Variants in C8orf34 observed in about 807,000 individuals in gnomAD.
C8orf34 encodes the protein uncharacterized protein C8orf34.
A neutral mutation model predicts 68.3 loss-of-function variants in C8orf34; 65 were observed. The ratio of observed to expected loss-of-function variants is 0.95; its 90% confidence interval spans 0.78 to 1.17. The LOEUF is 1.17. Ranked by LOEUF, C8orf34 falls within the 50% of genes most tolerant of loss-of-function variation. C8orf34 has a pLI of 0.00. For synonymous variants in C8orf34, 244 were observed against 241.2 expected, an observed-to-expected ratio of 1.01 and a Z score of -0.11; for missense variants, 664 against 655.4, an observed-to-expected ratio of 1.01 and a Z score of -0.14.
At chr8:68,331,591 C>G in intron 1 of C8orf34, 1 of 525,304 alleles carries the variant, frequency 1.9e-6, no homozygotes, top group Admixed American at 3.1e-5. Flanking sequence ...CTCAGCCTGG[C>G]AGGGGAAGTT....
intron 13 of C8orf34, among the ~76,000 whole-genome samples, chr8:68,816,597 A>G (rs1187896377): frequency 6.6e-6 from 1 of 152,138 alleles, no homozygotes; most frequent in African/African-American, 2.4e-5. Flanking sequence ...ATGGTCACCC[A>G]GACTCTACAT....
chr8:68,333,743 C>A (rs1805730061), intron 1 of C8orf34, among the ~76,000 whole-genome samples: 1 of 152,192 alleles, frequency 6.6e-6, no homozygotes, highest in Admixed American at 6.5e-5. Flanking sequence ...CAAATGTTTG[C>A]TACAATTTTA....
Position 68,532,462 on chromosome 8 carries a change from T to C in C8orf34, c.939-521T>C, listed in dbSNP as rs10110199. 9.6e-3 allele frequency among the ~76,000 whole-genome samples: 1,457 copies of C among 152,120 alleles called. 26 individuals carry two copies. The highest frequency in any genetic ancestry group is 0.032 in the African/African-American group (1,337 of 41,488). On this transcript the variant is annotated intron_variant, in intron 6 of 13. Coordinates refer to ENST00000518698, the MANE Select transcript of C8orf34 (RefSeq NM_052958.4). ...AATAAAACTATACAAAGAGATAGAC[T>C]CAAAAGCACTATAAATAAAAGCAAG...
intron 5 of C8orf34, among the ~76,000 whole-genome samples, chr8:68,497,331 C>T (rs986026746): frequency 3.9e-5 from 6 of 152,164 alleles, no homozygotes; most frequent in Non-Finnish European, 8.8e-5. Flanking sequence ...GCTTACCTGG[C>T]AGATTAACAA....
At chr8:68,428,999 C>T (rs762867895) in intron 1 of C8orf34, among the ~76,000 whole-genome samples, 2 of 151,900 alleles carry the variant, frequency 1.3e-5, no homozygotes, top group East Asian at 3.9e-4. Flanking sequence ...TAGAAAATAA[C>T]GTAGGATAAT....
rs546320842 is a variant in C8orf34, at chr8:68,399,893, T to C, written c.328-39606T>C. Among the ~76,000 whole-genome samples, 97 of 152,270 alleles carry C rather than the reference T, an allele frequency of 6.4e-4. 1 individual carries two copies. The highest frequency in any genetic ancestry group is 2.3e-3 in the African/African-American group (96 of 41,572). On this transcript the variant is annotated intron_variant, in intron 1 of 13. Transcript: ENST00000518698. ...GATGATATCTTATTGTAGTTTTAAT[T>C]TGCATTTCCCTGATGATTGATGATG...
At chr8:68,607,051 T>C (rs1008690836) in intron 7 of C8orf34, among the ~76,000 whole-genome samples, 2 of 152,112 alleles carry the variant, frequency 1.3e-5, no homozygotes, top group African/African-American at 4.8e-5. Flanking sequence ...GTTTTAAAAA[T>C]GAAAACTCCC....
intron 12 of C8orf34, among the ~76,000 whole-genome samples, chr8:68,813,909 G>A (rs1824731046): frequency 6.6e-6 from 1 of 152,106 alleles, no homozygotes; most frequent in African/African-American, 2.4e-5. Flanking sequence ...CTCAAATCTA[G>A]TTATTCTCAT....
chr8:68,353,599 T>C (rs1401405059), intron 1 of C8orf34, among the ~76,000 whole-genome samples: 8 of 146,172 alleles, frequency 5.5e-5, no homozygotes, highest in African/African-American at 1.2e-4. Flanking sequence ...TGTATATATA[T>C]ACACACACAT....
chr8:68,715,863 C>T (rs999019614), intron 9 of C8orf34, among the ~76,000 whole-genome samples: 2 of 152,074 alleles, frequency 1.3e-5, no homozygotes, highest in African/African-American at 4.8e-5. Flanking sequence ...GATATTTGCA[C>T]ATAAATGTTT....
chr8:68,784,801 T>C (rs1260028732), intron 11 of C8orf34, among the ~76,000 whole-genome samples: 1 of 131,308 alleles, frequency 7.6e-6, no homozygotes, highest in Admixed American at 7.4e-5. Context: ...TATGTGTGTG[T>C]ATGTGTGTGT....
intron 10 of C8orf34, among the ~76,000 whole-genome samples, chr8:68,726,632 G>C (rs1368922981): frequency 6.6e-6 from 1 of 152,088 alleles, no homozygotes; most frequent in African/African-American, 2.4e-5. Flanking sequence ...CATATCCAAG[G>C]CTGGGAAGAA....
Position 68,810,079 on chromosome 8 carries a change from CCAGTGG to C in C8orf34, c.1550-5804_1550-5799del, listed in dbSNP as rs574997418. 3.5e-3 allele frequency among the ~76,000 whole-genome samples: 539 copies of C among 152,332 alleles called. 6 individuals carry two copies. Among genetic ancestry groups the C allele is most frequent in the African/African-American group, 0.012 (516 of 41,568 alleles). On this transcript the variant is annotated intron_variant, in intron 12 of 13. Transcript: ENST00000518698. ...CTTCACCAGCTGGAAACCTCTGTGG[CCAGTGG>C]CATCTTTGCCTAGTTTTGCTTGAGC...
chr8:68,662,764 CT>C (rs1466661893), intron 8 of C8orf34, among the ~76,000 whole-genome samples: 3 of 152,148 alleles, frequency 2.0e-5, no homozygotes, highest in South Asian at 2.1e-4. Context: ...TAGGAATCCC[CT>C]TTTTTTCACT....
intron 7 of C8orf34, among the ~76,000 whole-genome samples, chr8:68,584,763 C>T (rs1817160490): frequency 6.6e-6 from 1 of 152,052 alleles, no homozygotes; most frequent in Non-Finnish European, 1.5e-5. Flanking sequence ...TTTTCTTTTT[C>T]TAAAACCTGG....
At chr8:68,464,123 T>A (rs1811988941) in intron 3 of C8orf34, among the ~76,000 whole-genome samples, 1 of 151,996 alleles carries the variant, frequency 6.6e-6, no homozygotes, top group Non-Finnish European at 1.5e-5. Flanking sequence ...TGTACAAAAA[T>A]CACAAGCATT....
In C8orf34 at chr8:68,680,623, A is replaced by G. The variant is rs141879719; in HGVS notation, c.1242-28371A>G. Among the ~76,000 whole-genome samples, 635 of 152,342 alleles carry G rather than the reference A, an allele frequency of 4.2e-3. 6 individuals carry two copies. The highest frequency in any genetic ancestry group is 0.014 in the African/African-American group (580 of 41,590). On this transcript the variant is annotated intron_variant, in intron 8 of 13. Transcript: ENST00000518698. ...CTAATAAGGGTCTAACAAAGATCACATACTTCTGAGGGAACAGGACAAAGG... is the reference window on the plus strand; with the variant it reads ...CTAATAAGGGTCTAACAAAGATCACGTACTTCTGAGGGAACAGGACAAAGG...
At position 68,571,231 on chromosome 8, in the gene C8orf34, A is replaced by G. The variant is rs138242387; in HGVS notation, c.1105+38082A>G. ...ATGCTCTTTGCCTGTAGCTACTCCT[A>G]GGCCATTTAGTTACAGTGTCAAATT... On this transcript the variant is annotated intron_variant, in intron 7 of 13. Transcript: ENST00000518698. Among the ~76,000 whole-genome samples the G allele has an allele frequency of 4.1e-4, 63 of 152,274 alleles. No individual in the cohort carries two copies. The East Asian group carries it at 0.011, about 28-fold the overall frequency.
intron 3 of C8orf34, among the ~76,000 whole-genome samples, chr8:68,460,172 G>A (rs918329385): frequency 2.7e-4 from 41 of 152,146 alleles, no homozygotes; most frequent in Non-Finnish European, 5.3e-4. Context: ...CTACACCCAC[G>A]GAGTCTCGCT....
Sources: gnomAD v4.1 joint callset for allele counts (sites outside exome capture counted in the v4.1 genomes callset) on GRCh38, gnomAD v4.1.1 for gene constraint, MANE v1.5 for transcripts, NCBI Gene and HGNC (gene_info 2026-07-23, HGNC 2026-07-21) for gene names.